The following GALNTL6 variants were observed in gnomAD, a reference collection of about 807,000 sequenced individuals.
GALNTL6 encodes the protein polypeptide N-acetylgalactosaminyltransferase-like 6.
In GALNTL6, 46 loss-of-function variants were observed where a neutral mutation model predicts 73.7. The observed-to-expected ratio is 0.62, with a 90% CI of 0.49 to 0.80. GALNTL6 has a LOEUF of 0.80. GALNTL6 is among the 30% of genes least tolerant of loss of function. The probability of loss-of-function intolerance (pLI) is 0.00; values close to 1 mark genes in which losing one functional copy is unlikely to be tolerated. For missense variants in GALNTL6, 604 were observed against 755.0 expected (o/e 0.80, Z 2.34); for synonymous variants, 259 against 263.7 (o/e 0.98, Z 0.17).
Position 172,809,316 on chromosome 4 carries a change from C to T in GALNTL6, c.554-45C>T. ...ACAACCGTGAATAATTCAGCTGCAA[C>T]TAATGTTTTGCGTTTTTTCTATGCA... On this transcript the variant is annotated intron_variant, in intron 5 of 12. Transcript: ENST00000506823. This position sits in a 1 kb window ranked among gnomAD's most constrained non-coding sequence, Gnocchi z 4.4. 6.7e-7 allele frequency: 1 copy of T among 1,492,992 alleles called. No individual in the cohort carries two copies. The highest frequency in any genetic ancestry group is 1.7e-4 in the Middle Eastern group (1 of 5,798). 92.5% of individuals were successfully genotyped at this position (1,492,992 alleles called of 1,614,324 possible).
At chr4:171,865,764 A>G (rs1325526684) in intron 2 of GALNTL6, among the ~76,000 whole-genome samples, 1 of 152,226 alleles carries the variant, frequency 6.6e-6, no homozygotes, top group East Asian at 1.9e-4. Context: ...AAACTTCAAT[A>G]TGCAAAATTC....
At chr4:172,454,569 G>T (rs550837768) in intron 5 of GALNTL6, among the ~76,000 whole-genome samples, 9 of 152,164 alleles carry the variant, frequency 5.9e-5, no homozygotes, top group Non-Finnish European at 1.2e-4. Context: ...GCAGCCCACT[G>T]GGCAGAATTC....
chr4:172,295,743 A>C (rs1243382928), intron 3 of GALNTL6, among the ~76,000 whole-genome samples: 2 of 151,564 alleles, frequency 1.3e-5, no homozygotes, highest in East Asian at 3.9e-4. Context: ...CCACACACAC[A>C]CAGGTCTACC....
chr4:172,425,145 A>G (rs762966363), intron 5 of GALNTL6: 1 of 152,128 alleles, frequency 6.6e-6, no homozygotes, highest in Non-Finnish European at 1.5e-5. Flanking sequence ...TAGCACATAT[A>G]TTGGACAGAA....
chr4:172,843,743 A>G (rs956283723), intron 7 of GALNTL6, among the ~76,000 whole-genome samples: 1 of 152,210 alleles, frequency 6.6e-6, no homozygotes, highest in Non-Finnish European at 1.5e-5. Context: ...ACCCCTCATG[A>G]CACAGTTCAA....
In GALNTL6 at chr4:172,194,347, C is replaced by T. The variant is rs531649230; in HGVS notation, c.139-35309C>T. Among the ~76,000 whole-genome samples, 10 of 152,262 alleles carry T rather than the reference C, an allele frequency of 6.6e-5. No individual in the cohort carries two copies. In the East Asian group the frequency reaches 1.2e-3, roughly 18 times the overall value. Reference sequence around the variant, plus strand: ...AACAAATTGGAGAACTTGAAAGAGACGGGTAGAACAGAACCAAGTTGGAAA... The same window carrying T: ...AACAAATTGGAGAACTTGAAAGAGATGGGTAGAACAGAACCAAGTTGGAAA... On this transcript the variant is annotated intron_variant, in intron 2 of 12. Transcript: ENST00000506823.
intron 5 of GALNTL6, among the ~76,000 whole-genome samples, chr4:172,670,412 A>T (rs1731910773): frequency 1.3e-5 from 2 of 151,786 alleles, no homozygotes; most frequent in South Asian, 4.2e-4. Flanking sequence ...GTAATATTGA[A>T]TTTTTTTCAT....
At chr4:172,677,918 TA>T (rs1732399350) in intron 5 of GALNTL6, among the ~76,000 whole-genome samples, 1 of 152,036 alleles carries the variant, frequency 6.6e-6, no homozygotes, top group African/African-American at 2.4e-5. Flanking sequence ...CTCACTGATG[TA>T]ATAGCTGGAG....
chr4:172,142,010 C>A (rs139357665), intron 2 of GALNTL6, among the ~76,000 whole-genome samples: 1 of 151,798 alleles, frequency 6.6e-6, no homozygotes, highest in African/African-American at 2.4e-5. Context: ...TGTACACACA[C>A]AAAAATTTGT....
chr4:172,577,988 C>T (rs111268413), intron 5 of GALNTL6, among the ~76,000 whole-genome samples: 86 of 152,252 alleles, frequency 5.6e-4, no homozygotes, highest in African/African-American at 2.0e-3. Flanking sequence ...ATAATGATGA[C>T]AATCACCAGG....
chr4:172,549,008 G>T (rs993816641), intron 5 of GALNTL6, among the ~76,000 whole-genome samples: 1 of 151,998 alleles, frequency 6.6e-6, no homozygotes, highest in African/African-American at 2.4e-5. Context: ...TATTTATATT[G>T]TATTTTAATT....
intron 2 of GALNTL6, among the ~76,000 whole-genome samples, chr4:172,057,723 A>ATAT (rs1448728102): frequency 1.8e-3 from 105 of 59,874 alleles, no homozygotes; most frequent in South Asian, 8.3e-3. Flanking sequence ...AAAAAAAAAA[A>ATAT]AAAAATATAT....
chr4:171,977,514 C>T (rs7658765), intron 2 of GALNTL6, among the ~76,000 whole-genome samples: 8,508 of 151,102 alleles, frequency 0.056, 622 homozygotes, highest in African/African-American at 0.17. Flanking sequence ...TGCATCTTCA[C>T]GTGGTTTTTC....
At chr4:172,095,661 A>G (rs887133452) in intron 2 of GALNTL6, among the ~76,000 whole-genome samples, 1 of 151,972 alleles carries the variant, frequency 6.6e-6, no homozygotes, top group Non-Finnish European at 1.5e-5. Context: ...AAAGCAGAGC[A>G]TAGAATAATG....
intron 2 of GALNTL6, among the ~76,000 whole-genome samples, chr4:172,022,193 A>G (rs537850760): frequency 6.6e-6 from 1 of 152,156 alleles, no homozygotes; most frequent in South Asian, 2.1e-4. Flanking sequence ...CTATCTGACA[A>G]GAGATTTTTA....
intron 5 of GALNTL6, among the ~76,000 whole-genome samples, chr4:172,574,155 A>G (rs569578320): frequency 2.6e-5 from 4 of 152,184 alleles, no homozygotes; most frequent in Non-Finnish European, 5.9e-5. Context: ...TCAGATTGTA[A>G]CTATTGCTTA....
rs116324492 is a variant in GALNTL6, at chr4:172,441,472, G to A, written c.553+92783G>A. Among the ~76,000 whole-genome samples, 1,273 of 152,182 alleles carry A rather than the reference G, an allele frequency of 8.4e-3. 11 individuals are homozygous for A. Among genetic ancestry groups the A allele is most frequent in the African/African-American group, 0.029 (1,204 of 41,538 alleles). On this transcript the variant is annotated intron_variant, in intron 5 of 12. Transcript: ENST00000506823. Reference sequence around the variant, plus strand: ...TGCACAGAGCAGTGACCCAGCTGAGGCCCAACAAGATGCTGCTCTGGTTTT... The same window carrying A: ...TGCACAGAGCAGTGACCCAGCTGAGACCCAACAAGATGCTGCTCTGGTTTT...
intron 5 of GALNTL6, among the ~76,000 whole-genome samples, chr4:172,521,961 G>A (rs1431943434): frequency 1.3e-5 from 2 of 152,076 alleles, no homozygotes; most frequent in Non-Finnish European, 2.9e-5. Flanking sequence ...TTTAAAACTG[G>A]CATTTCATTA....
intron 10 of GALNTL6, among the ~76,000 whole-genome samples, chr4:172,979,905 C>T (rs184069068): frequency 2.0e-5 from 3 of 152,326 alleles, no homozygotes; most frequent in Admixed American, 6.5e-5. Flanking sequence ...TTGAAGTAAT[C>T]CCTGTCCTTT....
Sources: gnomAD v4.1 joint callset for allele counts (sites outside exome capture counted in the v4.1 genomes callset) on GRCh38, gnomAD v4.1.1 for gene constraint, Gnocchi (gnomAD v3.1) non-coding constraint, MANE v1.5 for transcripts, NCBI Gene and HGNC (gene_info 2026-07-23, HGNC 2026-07-21) for gene names.